Variants in THEM5 observed in about 807,000 individuals in gnomAD.
THEM5 encodes the protein thioesterase superfamily member 5, also known as acyl-coenzyme A thioesterase THEM5.
In THEM5, 28 loss-of-function variants were observed where a neutral mutation model predicts 24.2. The observed-to-expected ratio is 1.16, with a 90% CI of 0.86 to 1.59. The LOEUF (loss-of-function observed/expected upper bound fraction) is 1.59, where lower values mean the gene tolerates loss of function less well. THEM5 is among the 40% of genes most tolerant of loss of function. The probability of loss-of-function intolerance (pLI) is 0.00; values close to 1 mark genes in which losing one functional copy is unlikely to be tolerated. For synonymous variants in THEM5, 87 were observed against 114.5 expected (o/e 0.76, Z 1.53); for missense variants, 260 against 296.8 (o/e 0.88, Z 0.91).
At chr1:151,852,753 C>A (rs1653163307) in intron 1 of THEM5, among the ~76,000 whole-genome samples, 1 of 152,192 alleles carries the variant, frequency 6.6e-6, no homozygotes, top group African/African-American at 2.4e-5. Context: ...AACATGTGAG[C>A]AGTTCTTTAA....
Position 151,847,136 on chromosome 1 carries a change from G to T in THEM5, c.*235C>A. ...AGACTTTATTTACTCAGAGAAAAGG[G>T]TCCTTTCCCTCGCCTCACCAATTGC... On this transcript the variant is annotated 3_prime_UTR_variant, in exon 6 of 6. Coordinates refer to ENST00000368817, the MANE Select transcript of THEM5 (RefSeq NM_182578.4). 1 of 724,326 alleles carries T rather than the reference G, an allele frequency of 1.4e-6. No homozygotes were observed. The highest frequency in any genetic ancestry group is 2.6e-6 in the Non-Finnish European group (1 of 391,936). 44.9% of individuals were successfully genotyped at this position (724,326 alleles called of 1,614,324 possible).
Position 151,847,722 on chromosome 1 carries a change from C to G in THEM5, c.700+16G>C. 1.9e-6 allele frequency: 3 copies of G among 1,611,980 alleles called. No homozygotes were observed. Reference sequence around the variant, plus strand: ...TGGTGGGACGGGGCCTGGGGCTGGGCTGGGGGCTCCTTTACCTGAGGACTT... The same window carrying G: ...TGGTGGGACGGGGCCTGGGGCTGGGGTGGGGGCTCCTTTACCTGAGGACTT... On this transcript the variant is annotated intron_variant, in intron 5 of 5. Coordinates refer to ENST00000368817, the MANE Select transcript of THEM5 (RefSeq NM_182578.4).
intron 1 of THEM5, among the ~76,000 whole-genome samples, 156 bp downstream of exon 1, chr1:151,853,287 G>C (rs1572063508): frequency 6.6e-6 from 1 of 152,210 alleles, no homozygotes; most frequent in Non-Finnish European, 1.5e-5. Context: ...GGGGCAACTT[G>C]GTATCCCAGA....
intron 3 of THEM5, among the ~76,000 whole-genome samples, chr1:151,848,870 C>T (rs931709782): frequency 2.6e-5 from 4 of 152,150 alleles, no homozygotes; most frequent in African/African-American, 9.7e-5. Context: ...TCAGCAGGCT[C>T]AATGCTGAAA....
chr1:151,848,111 G>A, intron 4 of THEM5, 71 bp downstream of exon 4: 2 of 1,518,876 alleles, frequency 1.3e-6, no homozygotes, highest in Non-Finnish European at 1.8e-6. Context: ...CACCCCAGCT[G>A]CCGAGGATGG....
At chr1:151,850,980 A>C in intron 3 of THEM5, 73 bp downstream of exon 3, 1 of 1,582,502 alleles carries the variant, frequency 6.3e-7, no homozygotes, top group Non-Finnish European at 8.6e-7. Flanking sequence ...CTCCAGGGCC[A>C]GCCTGGTGGG....
rs750953601 is a variant in THEM5 at position 151,847,885 on chromosome 1, C to T, written c.576-23G>A. ...AAGCTGGGAGACGAGGCAGCTTAGC[C>T]CATCTCTCATGTGAACCCGGTTCCC... On this transcript the variant is annotated intron_variant, in intron 4 of 5. Coordinates refer to ENST00000368817, the MANE Select transcript of THEM5 (RefSeq NM_182578.4). The T allele has an allele frequency of 5.6e-6, 9 of 1,613,396 alleles. No individual in the cohort carries two copies. The African/African-American group carries it at 6.7e-5, about 12-fold the overall frequency.
chr1:151,849,425 T>C (rs1187063266), intron 3 of THEM5, among the ~76,000 whole-genome samples: 2 of 152,156 alleles, frequency 1.3e-5, no homozygotes, highest in Admixed American at 6.5e-5. Context: ...TGCCATGGGT[T>C]ACCCTCCTGC....
intron 1 of THEM5, 67 bp downstream of exon 1, chr1:151,853,376 T>C: frequency 6.5e-7 from 1 of 1,549,064 alleles, no homozygotes; most frequent in Non-Finnish European, 8.7e-7. Flanking sequence ...AAGAGGAGAT[T>C]TGGGGTGCTC....
rs12084786 is a variant in THEM5 at position 151,848,944 on chromosome 1, C to T, written c.465-652G>A. ...ATTTAGAATGCATAGAATGGCCAGTCGCAGTGGCTCACGCCTGTAATCCCA... is the reference window on the plus strand; with the variant it reads ...ATTTAGAATGCATAGAATGGCCAGTTGCAGTGGCTCACGCCTGTAATCCCA... On this transcript the variant is annotated intron_variant, in intron 3 of 5. Coordinates refer to ENST00000368817, the MANE Select transcript of THEM5 (RefSeq NM_182578.4). 4.7e-4 allele frequency among the ~76,000 whole-genome samples: 72 copies of T among 152,316 alleles called. 1 individual carries two copies. The highest frequency in any genetic ancestry group is 1.7e-3 in the African/African-American group (70 of 41,560).
chr1:151,852,877 C>T (rs544227490), intron 1 of THEM5, among the ~76,000 whole-genome samples: 13 of 151,930 alleles, frequency 8.6e-5, no homozygotes, highest in Middle Eastern at 3.4e-3. Flanking sequence ...GATGCTGTCT[C>T]CTCTGCAGGG....
intron 3 of THEM5, among the ~76,000 whole-genome samples, chr1:151,850,780 G>T (rs1046940449): frequency 6.6e-6 from 1 of 152,192 alleles, no homozygotes. Flanking sequence ...TCTTCCAAGT[G>T]TACCACATTC....
At position 151,847,812 on chromosome 1, in the gene THEM5, A is replaced by G. The variant is rs138448945; in HGVS notation, c.626T>C (p.Ile209Thr). Residue 209 changes from isoleucine to threonine, a missense_variant, in exon 5 of 6, where the codon ATT (isoleucine) becomes ACT (threonine). Ile to Thr is a moderately conservative substitution (Grantham distance 89). Coordinates refer to ENST00000368817, the MANE Select transcript of THEM5 (RefSeq NM_182578.4). ...LVVMDVELDKIEDQKLYMSCI... is the reference protein window; with the variant it reads ...LVVMDVELDKTEDQKLYMSCI... ...GGACATGTAAAGCTTCTGGTCCTCA[A>G]TCTTGTCCAGTTCTACGTCCATTAC... 11 of 1,613,968 alleles carry G rather than the reference A, an allele frequency of 6.8e-6. No homozygotes were observed. In the African/African-American group the frequency reaches 1.5e-4, roughly 22 times the overall value.
chr1:151,851,662 C>T (rs1394827653), intron 2 of THEM5, among the ~76,000 whole-genome samples: 2 of 152,034 alleles, frequency 1.3e-5, no homozygotes, highest in Non-Finnish European at 2.9e-5. Context: ...TTGTTTGTGC[C>T]ATAAACCCAA....
At chr1:151,853,398 G>C in intron 1 of THEM5, 45 bp downstream of exon 1, 2 of 1,597,540 alleles carry the variant, frequency 1.3e-6, no homozygotes, top group Admixed American at 1.7e-5. Flanking sequence ...TTAAGCCCTA[G>C]GCTCCTGGGA....
In THEM5 at chr1:151,849,805, C is replaced by T. The variant is rs540831445; in HGVS notation, c.464+1248G>A. 8.5e-5 allele frequency among the ~76,000 whole-genome samples: 13 copies of T among 152,290 alleles called. No individual in the cohort carries two copies. In the South Asian group the frequency reaches 1.5e-3, roughly 17 times the overall value. Reference sequence around the variant, plus strand: ...GATCTACAGAGTAGCTCTTGGCCAACGAGTAACTCCTCCTTCCCACTCCCC... The same window carrying T: ...GATCTACAGAGTAGCTCTTGGCCAATGAGTAACTCCTCCTTCCCACTCCCC... On this transcript the variant is annotated intron_variant, in intron 3 of 5. Transcript: ENST00000368817.
At chr1:151,851,644 T>G (rs970297353) in intron 2 of THEM5, among the ~76,000 whole-genome samples, 3 of 152,182 alleles carry the variant, frequency 2.0e-5, no homozygotes, top group Non-Finnish European at 4.4e-5. Context: ...TATGTTGGTA[T>G]TCCTGCTTTG....
chr1:151,852,503 G>T, intron 1 of THEM5, 44 bp from the exon 2 acceptor site: 1 of 1,600,104 alleles, frequency 6.2e-7, no homozygotes, highest in Non-Finnish European at 8.6e-7. Context: ...TCCTGGAGGG[G>T]GGCTGCTGCC....
At chr1:151,847,596 C>T in intron 5 of THEM5, 142 bp downstream of exon 5, 4 of 1,353,298 alleles carry the variant, frequency 3.0e-6, no homozygotes, top group Non-Finnish European at 4.2e-6. Flanking sequence ...TCATCTGTGT[C>T]CCTAGTAGGT....
Sources: allele counts gnomAD v4.1 joint callset (sites outside exome capture counted in the v4.1 genomes callset), GRCh38; gene constraint gnomAD v4.1.1; transcripts MANE v1.5; gene names NCBI Gene and HGNC (gene_info 2026-07-23, HGNC 2026-07-21).